Variants in MACROD2 observed in about 807,000 individuals in gnomAD.
The protein encoded by MACROD2 is ADP-ribose glycohydrolase MACROD2.
A neutral mutation model predicts 70.4 loss-of-function variants in MACROD2; 36 were observed. The observed-to-expected ratio is 0.51, with a 90% CI of 0.39 to 0.68. The LOEUF (loss-of-function observed/expected upper bound fraction) is 0.68. MACROD2 is among the 30% of genes least tolerant of loss of function. The pLI, the probability that MACROD2 is intolerant of heterozygous loss-of-function variation, is 0.00. For synonymous variants in MACROD2, 172 were observed against 178.8 expected (o/e 0.96, Z 0.30); for missense variants, 496 against 538.4 (o/e 0.92, Z 0.78).
chr20:15,474,596 G>A (rs1395013484), intron 7 of MACROD2, among the ~76,000 whole-genome samples: 1 of 152,140 alleles, frequency 6.6e-6, no homozygotes, highest in Non-Finnish European at 1.5e-5. Flanking sequence ...ATGAGCAATC[G>A]GAAAACTGAC....
chr20:15,418,016 C>G (rs1348358637), intron 6 of MACROD2, among the ~76,000 whole-genome samples: 1 of 152,224 alleles, frequency 6.6e-6, no homozygotes, highest in Non-Finnish European at 1.5e-5. Context: ...CTTGACCTCA[C>G]TGACTCTGTT....
chr20:14,557,367 A>G (rs1389483121), intron 4 of MACROD2, among the ~76,000 whole-genome samples: 1 of 151,960 alleles, frequency 6.6e-6, no homozygotes, highest in African/African-American at 2.4e-5. Context: ...AAAGAAAGAT[A>G]CATACACTGG....
At chr20:15,479,484 A>G (rs1041977879) in intron 7 of MACROD2, among the ~76,000 whole-genome samples, 37 of 151,768 alleles carry the variant, frequency 2.4e-4, no homozygotes, top group African/African-American at 8.7e-4. Flanking sequence ...GTTTTTAGCC[A>G]GGATGGTCTC....
intron 3 of MACROD2, among the ~76,000 whole-genome samples, chr20:14,414,351 A>G (rs1468065318): frequency 6.6e-6 from 1 of 151,970 alleles, no homozygotes; most frequent in African/African-American, 2.4e-5. Flanking sequence ...TTTTTCTCAC[A>G]TCTTAAATCC....
At chr20:15,666,400 CT>C (rs1053045305) in intron 8 of MACROD2, among the ~76,000 whole-genome samples, 1 of 151,866 alleles carries the variant, frequency 6.6e-6, no homozygotes, top group African/African-American at 2.4e-5. Context: ...GCCCTAGGGT[CT>C]TTTTTTTGCA....
intron 3 of MACROD2, among the ~76,000 whole-genome samples, chr20:14,299,713 G>A (rs529863814): frequency 8.5e-5 from 13 of 152,134 alleles, no homozygotes; most frequent in African/African-American, 2.2e-4. Context: ...TACTTAACCT[G>A]GGAATTTTCT....
chr20:14,757,259 C>T (rs775003995), intron 5 of MACROD2, among the ~76,000 whole-genome samples: 1 of 151,966 alleles, frequency 6.6e-6, no homozygotes, highest in African/African-American at 2.4e-5. Flanking sequence ...ACAGTTATGA[C>T]TTTAAAAGGA....
At chr20:15,545,935 C>T (rs933766461) in intron 8 of MACROD2, among the ~76,000 whole-genome samples, 3 of 152,076 alleles carry the variant, frequency 2.0e-5, no homozygotes, top group African/African-American at 2.4e-5. Flanking sequence ...TCTTTGACCA[C>T]GCGTATTTGA....
At chr20:15,613,611 A>G (rs1005129824) in intron 8 of MACROD2, among the ~76,000 whole-genome samples, 1 of 152,234 alleles carries the variant, frequency 6.6e-6, no homozygotes, top group Non-Finnish European at 1.5e-5. Flanking sequence ...TACAATAACC[A>G]TGAAAGCTAT....
intron 3 of MACROD2, among the ~76,000 whole-genome samples, chr20:14,176,817 G>A (rs1480966540): frequency 1.3e-5 from 2 of 152,042 alleles, no homozygotes; most frequent in Non-Finnish European, 2.9e-5. Flanking sequence ...CCATAATTCT[G>A]ACTTGATTAT....
At chr20:14,941,635 T>C (rs1029903278) in intron 5 of MACROD2, among the ~76,000 whole-genome samples, 1 of 152,158 alleles carries the variant, frequency 6.6e-6, no homozygotes, top group Non-Finnish European at 1.5e-5. Flanking sequence ...TTCTAGGGTA[T>C]TGCTGGTAAA....
intron 8 of MACROD2, among the ~76,000 whole-genome samples, chr20:15,715,392 C>T (rs974839003): frequency 1.3e-5 from 2 of 151,882 alleles, no homozygotes; most frequent in Admixed American, 1.3e-4. Flanking sequence ...CAATTATTGC[C>T]TAAGTTAGAA....
Position 14,258,952 on chromosome 20 carries a change from G to GT in MACROD2, c.271+173230dup, listed in dbSNP as rs901579796. ...TTAAAATTAGTTAATTTATTAATTTGTTTTTTCCCAGACAGAGTCTTGCTC... is the reference window on the plus strand; with the variant it reads ...TTAAAATTAGTTAATTTATTAATTTGTTTTTTTCCCAGACAGAGTCTTGCTC... On this transcript the variant is annotated intron_variant, in intron 3 of 17. Transcript: ENST00000684519. Among the ~76,000 whole-genome samples the GT allele has an allele frequency of 8.9e-4, 136 of 152,136 alleles. 4 individuals are homozygous for GT. The highest frequency in any genetic ancestry group is 8.9e-3 in the Admixed American group (136 of 15,268).
At chr20:14,615,003 G>C (rs1387076837) in intron 4 of MACROD2, among the ~76,000 whole-genome samples, 1 of 152,066 alleles carries the variant, frequency 6.6e-6, no homozygotes, top group East Asian at 1.9e-4. Context: ...GCGTGTGCTG[G>C]GGAAAGGGAA....
intron 5 of MACROD2, among the ~76,000 whole-genome samples, chr20:14,728,298 T>C (rs2071553585): frequency 6.6e-6 from 1 of 152,226 alleles, no homozygotes; most frequent in Non-Finnish European, 1.5e-5. Context: ...AACAAATGAA[T>C]TAAACCGAAG....
Position 14,782,777 on chromosome 20 carries a change from C to T in MACROD2, c.418+97818C>T, listed in dbSNP as rs551085976. Among the ~76,000 whole-genome samples, 5 of 152,208 alleles carry T rather than the reference C, an allele frequency of 3.3e-5. No homozygotes were observed. In the South Asian group the frequency reaches 1.0e-3, roughly 32 times the overall value. On this transcript the variant is annotated intron_variant, in intron 5 of 17. Transcript: ENST00000684519. Reference sequence around the variant, plus strand: ...GTAGTTGTTAATCTCAAGATCACTCCCTAATAAATTTCCTGATTTTCTGTA... The same window carrying T: ...GTAGTTGTTAATCTCAAGATCACTCTCTAATAAATTTCCTGATTTTCTGTA...
intron 13 of MACROD2, among the ~76,000 whole-genome samples, chr20:15,968,514 A>C (rs914616190): frequency 7.2e-5 from 11 of 152,190 alleles, no homozygotes; most frequent in African/African-American, 2.6e-4. Context: ...TTCGAAAGGG[A>C]CTATATGGTA....
At chr20:16,012,288 C>T (rs1192343264) in intron 15 of MACROD2, among the ~76,000 whole-genome samples, 1 of 152,208 alleles carries the variant, frequency 6.6e-6, no homozygotes, top group African/African-American at 2.4e-5. Context: ...AGAGAGGACA[C>T]ACCGTGAGGT....
intron 4 of MACROD2, among the ~76,000 whole-genome samples, chr20:14,633,305 A>T (rs1250347472): frequency 2.0e-5 from 3 of 152,198 alleles, no homozygotes. Flanking sequence ...TCATTTGCTA[A>T]GACCCTTTTT....
Sources: gnomAD v4.1 joint callset for allele counts (sites outside exome capture counted in the v4.1 genomes callset) on GRCh38, gnomAD v4.1.1 for gene constraint, MANE v1.5 for transcripts, NCBI Gene and HGNC (gene_info 2026-07-23, HGNC 2026-07-21) for gene names.